WHRN: variants seen among roughly 807,000 people sequenced by gnomAD.
The protein encoded by WHRN is whirlin.
Under a neutral mutation model 68.3 loss-of-function variants are expected in WHRN, and 41 were observed. That is an observed-to-expected ratio of 0.60 (90% CI 0.47 to 0.78). The LOEUF (loss-of-function observed/expected upper bound fraction) is 0.78, where lower values mean the gene tolerates loss of function less well. Among genes scored for constraint, WHRN ranks in the 30% least tolerant of loss-of-function variants. WHRN has a pLI of 0.00. For synonymous variants in WHRN, 560 were observed against 561.3 expected (o/e 1.00, Z 0.03); for missense variants, 1,243 against 1,244.7 (o/e 1.00, Z 0.02).
At position 114,406,632 on chromosome 9, in the gene WHRN, G is replaced by T; in HGVS notation, c.1959C>A (p.Ser653=). 6.2e-7 allele frequency: 1 copy of T among 1,612,028 alleles called. No individual in the cohort carries two copies. Among genetic ancestry groups the T allele is most frequent in the Non-Finnish European group, 8.5e-7 (1 of 1,178,526 alleles). ...TGGAGCTGGGGTTGGCAGGGGAGAC[G>T]GAGGCATAGATGGGGGAAGAGGGCA... ...QDLPSSPIYA[S]VSPANPSSKR... Residue 653 remains serine (S), a synonymous_variant, in exon 9 of 12, where the codon TCC becomes TCA. Coordinates refer to ENST00000362057, the MANE Select transcript of WHRN (RefSeq NM_015404.4).
At chr9:114,497,593 T>C (rs1045242743) in intron 1 of WHRN, among the ~76,000 whole-genome samples, 4 of 152,108 alleles carry the variant, frequency 2.6e-5, no homozygotes, top group East Asian at 1.9e-4. Flanking sequence ...AATTGGTTCA[T>C]TGATTGCTTC....
At chr9:114,464,445 C>G (rs552910314) in intron 3 of WHRN, among the ~76,000 whole-genome samples, 3 of 152,170 alleles carry the variant, frequency 2.0e-5, no homozygotes, top group African/African-American at 4.8e-5. Flanking sequence ...TAGACTGTGC[C>G]TTCTTACTGT....
intron 3 of WHRN, among the ~76,000 whole-genome samples, chr9:114,441,778 G>GT (rs1838394659): frequency 6.6e-6 from 1 of 152,312 alleles, no homozygotes; most frequent in African/African-American, 2.4e-5. Context: ...TAGCAAGTGA[G>GT]TTTTTTAAAA....
chr9:114,434,723 C>T (rs967210577), intron 3 of WHRN, among the ~76,000 whole-genome samples: 5 of 152,188 alleles, frequency 3.3e-5, no homozygotes, highest in Admixed American at 6.5e-5. Context: ...CCTAAGGGGC[C>T]TCCCTGCTTC....
chr9:114,417,328 C>T (rs1589088547), intron 7 of WHRN, among the ~76,000 whole-genome samples: 2 of 152,172 alleles, frequency 1.3e-5, no homozygotes, highest in African/African-American at 2.4e-5. Flanking sequence ...TGGGGCATCT[C>T]GGTCATCGAT....
chr9:114,410,976 C>A (rs1052495904), intron 7 of WHRN, among the ~76,000 whole-genome samples: 1 of 152,206 alleles, frequency 6.6e-6, no homozygotes, highest in African/African-American at 2.4e-5. Flanking sequence ...TAGGTAAATC[C>A]TTCCTCTGTA....
intron 1 of WHRN, among the ~76,000 whole-genome samples, chr9:114,498,765 A>C (rs1197026952): frequency 6.6e-6 from 1 of 152,146 alleles, no homozygotes; most frequent in African/African-American, 2.4e-5. Context: ...GCTGGGGTCC[A>C]AGCAAGGAGG....
At chr9:114,437,424 TA>T (rs1311654214) in intron 3 of WHRN, among the ~76,000 whole-genome samples, 2 of 152,102 alleles carry the variant, frequency 1.3e-5, no homozygotes, top group East Asian at 1.9e-4. Flanking sequence ...ACTTTTGTAT[TA>T]AAAAAACTCT....
At position 114,426,132 on chromosome 9, in the gene WHRN, G is replaced by C. The variant is rs1032366611; in HGVS notation, c.1166+79C>G. ...GGCTGAGAGGAGAGCCAGGGCGGTGGAGGGATGGGAGGCAGCTATCACTGG... is the reference window on the plus strand; with the variant it reads ...GGCTGAGAGGAGAGCCAGGGCGGTGCAGGGATGGGAGGCAGCTATCACTGG... On this transcript the variant is annotated intron_variant, in intron 4 of 11. Coordinates refer to ENST00000362057, the MANE Select transcript of WHRN (RefSeq NM_015404.4). 8 of 1,588,340 alleles carry C rather than the reference G, an allele frequency of 5.0e-6. No individual in the cohort carries two copies. The African/African-American group carries it at 1.1e-4, about 21-fold the overall frequency.
At chr9:114,446,690 A>G (rs1340552354) in intron 3 of WHRN, among the ~76,000 whole-genome samples, 1 of 152,184 alleles carries the variant, frequency 6.6e-6, no homozygotes, top group African/African-American at 2.4e-5. Flanking sequence ...TTTTTGGGCC[A>G]AAAGCTCTAG....
At chr9:114,481,848 C>T (rs895679846) in intron 1 of WHRN, among the ~76,000 whole-genome samples, 2 of 152,168 alleles carry the variant, frequency 1.3e-5, no homozygotes, top group Non-Finnish European at 2.9e-5. Context: ...ACATCAGGTC[C>T]TCATGACACT....
chr9:114,402,164 G>A lies in WHRN; in HGVS notation c.*590C>T, dbSNP rs924240716. ...AATGACACTGCTGGTCACCTGCAAG[G>A]CCTCTGGGATAGGCTGGGGGTGCAG... On this transcript the variant is annotated 3_prime_UTR_variant, in exon 12 of 12. Coordinates refer to ENST00000362057, the MANE Select transcript of WHRN (RefSeq NM_015404.4). 2.4e-5 allele frequency: 4 copies of A among 164,214 alleles called. No individual in the cohort carries two copies. Among genetic ancestry groups the A allele is most frequent in the African/African-American group, 9.6e-5 (4 of 41,624 alleles). 10.2% of individuals were successfully genotyped at this position (164,214 alleles called of 1,614,324 possible). A position where few individuals can be genotyped will look rare whatever the true frequency, so the allele number is the denominator to read the frequency against.
At position 114,504,836 on chromosome 9, in the gene WHRN, C is replaced by T. The variant is rs1272995364; in HGVS notation, c.-35G>A. 7.3e-6 allele frequency: 10 copies of T among 1,377,948 alleles called. No homozygotes were observed. The highest frequency in any genetic ancestry group is 5.9e-5 in the East Asian group (2 of 33,878). The allele number at this position is 1,377,948 out of a possible 1,614,324, so 85.4% of individuals were successfully genotyped here. ...GAGGCCCGGCCGGGCTCTGAGCGCG[C>T]GGGGTGTGGGCGGTGCCGCTGTCCT... On this transcript the variant is annotated 5_prime_UTR_variant, in exon 1 of 12. Coordinates refer to ENST00000362057, the MANE Select transcript of WHRN (RefSeq NM_015404.4).
At chr9:114,482,588 G>C (rs968562012) in intron 1 of WHRN, among the ~76,000 whole-genome samples, 6 of 151,940 alleles carry the variant, frequency 3.9e-5, no homozygotes, top group African/African-American at 1.5e-4. Flanking sequence ...CACACAGTAG[G>C]AGCTCAGCAA....
chr9:114,412,852 G>A (rs1226975690), intron 7 of WHRN, among the ~76,000 whole-genome samples: 1 of 152,218 alleles, frequency 6.6e-6, no homozygotes, highest in Admixed American at 6.5e-5. Flanking sequence ...GGCTGCCTGG[G>A]CACTGCGGGG....
At chr9:114,465,165 A>G in intron 3 of WHRN, among the ~76,000 whole-genome samples, 1 of 152,224 alleles carries the variant, frequency 6.6e-6, no homozygotes, top group East Asian at 1.9e-4. Flanking sequence ...CTGTTTCCTA[A>G]GAGAACCTGA....
chr9:114,406,693 GTGCCCGC>G lies in WHRN; in HGVS notation c.1891_1897del (p.Ala631ProfsTer57), dbSNP rs1487205971. 1 of 1,614,020 alleles carries G rather than the reference GTGCCCGC, an allele frequency of 6.2e-7. No individual in the cohort carries two copies. Reference sequence around the variant, plus strand: ...AGAGGAGGTCCCTGGGGTGGGTGCGGTGCCCGCTGGCGGGCTGCGGTTCTGTGGAGCC... The same window carrying G: ...AGAGGAGGTCCCTGGGGTGGGTGCGGTGGCGGGCTGCGGTTCTGTGGAGCC... On this transcript the variant is annotated frameshift_variant, in exon 9 of 12. Transcript: ENST00000362057. LOFTEE classifies it high-confidence loss of function.
intron 1 of WHRN, among the ~76,000 whole-genome samples, chr9:114,484,869 CAT>C (rs1353590119): frequency 6.6e-6 from 1 of 152,224 alleles, no homozygotes; most frequent in East Asian, 1.9e-4. Flanking sequence ...ACCCCAAAAT[CAT>C]AGACCAGGCT....
chr9:114,428,500 T>C (rs1314580204), intron 3 of WHRN, among the ~76,000 whole-genome samples: 1 of 152,144 alleles, frequency 6.6e-6, no homozygotes, highest in East Asian at 1.9e-4. Context: ...AGCTCTCCAT[T>C]TCACTAGAGA....
Sources: allele counts gnomAD v4.1 joint callset (sites outside exome capture counted in the v4.1 genomes callset), GRCh38; gene constraint gnomAD v4.1.1; transcripts MANE v1.5; gene names NCBI Gene and HGNC (gene_info 2026-07-23, HGNC 2026-07-21).